Variants in FAT2 observed in about 807,000 individuals in gnomAD.
The protein encoded by FAT2 is FAT atypical cadherin 2.
Under a neutral mutation model 295.3 loss-of-function variants are expected in FAT2, and 150 were observed. That is an observed-to-expected ratio of 0.51 (90% CI 0.44 to 0.58). The LOEUF (loss-of-function observed/expected upper bound fraction) is 0.58, where lower values mean the gene tolerates loss of function less well. Among genes scored for constraint, FAT2 ranks in the 20% least tolerant of loss-of-function variants. The pLI, the probability that FAT2 is intolerant of heterozygous loss-of-function variation, is 0.00. For missense variants in FAT2, 4,868 were observed against 5,442.7 expected, an observed-to-expected ratio of 0.89 and a Z score of 3.32; for synonymous variants, 2,026 against 2,150.3, an observed-to-expected ratio of 0.94 and a Z score of 1.60.
At chr5:151,522,430 C>G (rs971804753) in intron 18 of FAT2, among the ~76,000 whole-genome samples, 19 of 152,184 alleles carry the variant, frequency 1.2e-4, no homozygotes, top group African/African-American at 4.3e-4. Context: ...CATTCTGTCC[C>G]TGTCCTCAAG....
chr5:151,515,647 C>A (rs951883516), intron 20 of FAT2, among the ~76,000 whole-genome samples: 1 of 152,200 alleles, frequency 6.6e-6, no homozygotes, highest in African/African-American at 2.4e-5. Flanking sequence ...ACCCTTCATT[C>A]AATTCACTGG....
intron 3 of FAT2, among the ~76,000 whole-genome samples, chr5:151,562,870 A>C (rs1758078357): frequency 1.3e-5 from 2 of 152,098 alleles, no homozygotes; most frequent in African/African-American, 4.8e-5. Flanking sequence ...AAGTGGATTC[A>C]CATTGCCAGC....
chr5:151,573,689 T>C (rs545895696), intron 1 of FAT2, among the ~76,000 whole-genome samples: 8 of 152,226 alleles, frequency 5.3e-5, no homozygotes, highest in Middle Eastern at 3.4e-3. Flanking sequence ...TCAGACAAAT[T>C]ATTCCGTCAT....
chr5:151,521,802 G>T lies in FAT2; in HGVS notation c.10791C>A (p.His3597Gln). ...CGCTGACCGTGACGTTGAACGAGTA[G>T]TGGCCACGAGGCAGGCCCTGGGCGG... is the stretch of plus-strand genomic sequence containing the variant. ...IIAAQGLPRG[H>Q]YSFNVTVSDG... Residue 3597 changes from histidine to glutamine, a missense_variant, in exon 19 of 24, where the codon CAC (histidine) becomes CAA (glutamine). Physicochemically the swap from His to Gln is conservative, Grantham distance 24. This residue lies in a region of FAT2 where 1,046 missense variants were observed against 1,210.1 expected (regional missense o/e 0.86). Transcript: ENST00000261800. The T allele has an allele frequency of 6.2e-7, 1 of 1,614,216 alleles. No homozygotes were observed. Among genetic ancestry groups the T allele is most frequent in the Non-Finnish European group, 8.5e-7 (1 of 1,180,046 alleles).
chr5:151,545,968 T>C lies in FAT2; in HGVS notation c.5159A>G (p.His1720Arg), dbSNP rs1370386345. The change falls in exon 10 of 24, where the codon CAT (histidine) becomes CGT (arginine). Residue 1720 changes from histidine to arginine, a missense_variant. Coordinates refer to ENST00000261800, the MANE Select transcript of FAT2 (RefSeq NM_001447.3). Reference sequence around the variant, plus strand: ...CAGCTGGTAAGACGAGATTTTCTCATGGTCCAATTTCTTCTGGGTGGAAAT... The same window carrying C: ...CAGCTGGTAAGACGAGATTTTCTCACGGTCCAATTTCTTCTGGGTGGAAAT... ...GLISTQKKLDHEKISSYQLKI... is the reference protein window; with the variant it reads ...GLISTQKKLDREKISSYQLKI... The C allele has an allele frequency of 3.1e-6, 5 of 1,614,084 alleles. No individual in the cohort carries two copies. Among genetic ancestry groups the C allele is most frequent in the Non-Finnish European group, 4.2e-6 (5 of 1,180,044 alleles).
chr5:151,524,011 G>A (rs530047971), intron 18 of FAT2, among the ~76,000 whole-genome samples: 1 of 152,012 alleles, frequency 6.6e-6, no homozygotes, highest in Non-Finnish European at 1.5e-5. Flanking sequence ...AAATATGTCC[G>A]AAATCTCTCC....
At chr5:151,579,889 ATTC>A (rs1024855356) in intron 1 of FAT2, among the ~76,000 whole-genome samples, 6 of 152,160 alleles carry the variant, frequency 3.9e-5, no homozygotes, top group Non-Finnish European at 8.8e-5. Context: ...TATAACTATC[ATTC>A]TTCTTATGTT....
At chr5:151,590,103 G>A (rs1002070811) in intron 1 of FAT2, among the ~76,000 whole-genome samples, 4 of 152,136 alleles carry the variant, frequency 2.6e-5, no homozygotes, top group Non-Finnish European at 5.9e-5. Context: ...AAGACCATGC[G>A]TGCTCAGCAT....
chr5:151,573,610 C>T (rs1439957282), intron 1 of FAT2, among the ~76,000 whole-genome samples: 1 of 152,150 alleles, frequency 6.6e-6, no homozygotes, highest in South Asian at 2.1e-4. Flanking sequence ...GCCGAGATCG[C>T]GCCACTGCAC....
At chr5:151,510,317 T>A in intron 21 of FAT2, 143 bp from the exon 22 acceptor site, 5 of 908,648 alleles carry the variant, frequency 5.5e-6, no homozygotes, top group Non-Finnish European at 6.6e-6. Context: ...AATACCGTGC[T>A]GGGCATTGGT....
chr5:151,533,986 T>C (rs949080048), intron 13 of FAT2, among the ~76,000 whole-genome samples: 1 of 152,194 alleles, frequency 6.6e-6, no homozygotes, highest in Non-Finnish European at 1.5e-5. Context: ...TCAACTTCAC[T>C]CTTCAGAAAA....
intron 1 of FAT2, among the ~76,000 whole-genome samples, chr5:151,569,244 A>G (rs1758428720): frequency 6.6e-6 from 1 of 152,224 alleles, no homozygotes; most frequent in East Asian, 1.9e-4. Flanking sequence ...ATGAGGTTTA[A>G]TGGACTCACC....
chr5:151,564,657 CACTT>C (rs1758167872), intron 2 of FAT2, among the ~76,000 whole-genome samples: 1 of 152,230 alleles, frequency 6.6e-6, no homozygotes, highest in Admixed American at 6.5e-5. Flanking sequence ...TGCTGACTTA[CACTT>C]ACTTTCCTTG....
chr5:151,537,656 TGGCACATA>T (rs748651350), intron 12 of FAT2, 129 bp downstream of exon 12: 4 of 807,000 alleles, frequency 5.0e-6, no homozygotes, highest in Non-Finnish European at 7.7e-6. Context: ...GTACAATGCT[TGGCACATA>T]GGGCCAATAT....
In FAT2 at chr5:151,568,103, C is replaced by A. The variant is rs145834206; in HGVS notation, c.829G>T (p.Val277Phe). ...NDGTTYATVL[V>F]DANSSGAEVE... ...TCAGCTCCTGAGCTATTTGCATCGACCAGTACAGTGGCATAGGTGGTACCA... is the reference window on the plus strand; with the variant it reads ...TCAGCTCCTGAGCTATTTGCATCGAACAGTACAGTGGCATAGGTGGTACCA... The change falls in exon 2 of 24, where the codon GTC becomes TTC. Residue 277 changes from valine (V) to phenylalanine (F), a missense_variant. Val to Phe is a conservative substitution (Grantham distance 50). Transcript: ENST00000261800. The A allele has an allele frequency of 6.2e-7, 1 of 1,614,182 alleles. No homozygotes were observed. The highest frequency in any genetic ancestry group is 1.7e-5 in the Admixed American group (1 of 60,030).
At chr5:151,515,183 C>T (rs148456881) in intron 20 of FAT2, among the ~76,000 whole-genome samples, 7 of 152,298 alleles carry the variant, frequency 4.6e-5, no homozygotes, top group Non-Finnish European at 1.0e-4. Context: ...ATCACTCCTT[C>T]CTTCTTGATA....
intron 15 of FAT2, 28 bp downstream of exon 15, chr5:151,529,150 C>T: frequency 6.2e-7 from 1 of 1,606,158 alleles, no homozygotes; most frequent in Non-Finnish European, 8.5e-7. Flanking sequence ...GTTCTTGTCC[C>T]ACAAAGAGCA....
At position 151,537,916 on chromosome 5, in the gene FAT2, C is replaced by T. The variant is rs1382290594; in HGVS notation, c.9070G>A (p.Val3024Ile). The change falls in exon 12 of 24, where the codon GTA becomes ATA. Residue 3024 changes from valine (V) to isoleucine (I), a missense_variant. By Grantham distance (29) the Val-to-Ile change is conservative (BLOSUM62 3). Around this residue, in one of 5 missense-constraint regions of FAT2, gnomAD observed 1,046 missense variants for 1,210.1 expected, o/e 0.86. Transcript: ENST00000261800. ...TTCAAAATGAAGTGTCCTGGAAATA[C>T]ATCTTCATGAACCTTGCCAGTATAG... is the stretch of plus-strand genomic sequence containing the variant. The part of the protein sequence containing the change: ...LLYTGKVHED[V>I]FPGHFILKVS... The T allele has an allele frequency of 2.5e-6, 4 of 1,614,092 alleles. No individual in the cohort carries two copies. The highest frequency in any genetic ancestry group is 3.4e-6 in the Non-Finnish European group (4 of 1,179,978).
rs1292734630 is a variant in FAT2 at position 151,531,835 on chromosome 5, C to T, written c.9563G>A (p.Arg3188His). The T allele has an allele frequency of 3.7e-6, 6 of 1,613,970 alleles. No homozygotes were observed. The highest frequency in any genetic ancestry group is 2.2e-5 in the South Asian group (2 of 91,078). ...RPQAPLELTVRASDLGTPIPL... is the reference protein window; with the variant it reads ...RPQAPLELTVHASDLGTPIPL... ...TATTGGGGTGCCCAGGTCAGAGGCA[C>T]GGACCGTGAGCTCCAGTGGTGCCTG... Residue 3188 changes from arginine (R) to histidine (H), a missense_variant, in exon 14 of 24, where the codon CGT becomes CAT. By Grantham distance (29) the Arg-to-His change is conservative. Around this residue, in one of 5 missense-constraint regions of FAT2, gnomAD observed 1,046 missense variants for 1,210.1 expected, o/e 0.86. Transcript: ENST00000261800. The surrounding 1 kb of genome is among the most constrained non-coding windows in gnomAD (Gnocchi z 5.7).
Sources: allele counts gnomAD v4.1 joint callset (sites outside exome capture counted in the v4.1 genomes callset), GRCh38; gene constraint gnomAD v4.1.1; regional missense constraint gnomAD v4.1.1; non-coding constraint Gnocchi (gnomAD v3.1); transcripts MANE v1.5; gene names NCBI Gene and HGNC (gene_info 2026-07-23, HGNC 2026-07-21).